Variants in DST observed in about 807,000 individuals in gnomAD.
The protein encoded by DST is dystonin.
DST carries 253 observed loss-of-function variants against 875.2 expected under a neutral mutation model. The ratio of observed to expected loss-of-function variants is 0.29; its 90% CI spans 0.26 to 0.32. The LOEUF (loss-of-function observed/expected upper bound fraction) is 0.32. Among genes scored for constraint, DST ranks in the 10% least tolerant of loss-of-function variants. The pLI, the probability that DST is intolerant of heterozygous loss-of-function variation, is 1.00. For missense variants in DST, 8,287 were observed against 9,111.6 expected, an observed-to-expected ratio of 0.91 and a Z score of 3.68; for synonymous variants, 3,124 against 3,197.1, an observed-to-expected ratio of 0.98 and a Z score of 0.77.
At chr6:56,687,734 T>TG (rs2099197624) in intron 9 of DST, among the ~76,000 whole-genome samples, 1 of 152,036 alleles carries the variant, frequency 6.6e-6, no homozygotes, top group Non-Finnish European at 1.5e-5. Context: ...GTTTAAACTA[T>TG]TTTGGCAGAA....
intron 2 of DST, among the ~76,000 whole-genome samples, chr6:56,923,698 TTC>T (rs774685284): frequency 6.6e-6 from 1 of 152,154 alleles, no homozygotes; most frequent in Non-Finnish European, 1.5e-5. Context: ...AAGTGTAAAA[TTC>T]TCTCTTACTC....
Position 56,602,864 on chromosome 6 carries a change from CTTTGT to C in DST, c.11307+13_11307+17del. 6.8e-7 allele frequency: 1 copy of C among 1,474,490 alleles called. No individual in the cohort carries two copies. Among genetic ancestry groups the C allele is most frequent in the African/African-American group, 1.4e-5 (1 of 70,356 alleles). 91.3% of individuals were successfully genotyped at this position (1,474,490 alleles called of 1,614,324 possible). ...TAGTTTTTGAAATATATTTTGTCAT[CTTTGT>C]TTTGATACTTGCCTTGAGAAACTCC... is the stretch of plus-strand genomic sequence containing the variant. On this transcript the variant is annotated intron_variant, in intron 43 of 103. Coordinates refer to ENST00000680361, the MANE Select transcript of DST (RefSeq NM_001374736.1).
intron 85 of DST, among the ~76,000 whole-genome samples, chr6:56,491,428 A>AAT (rs1037939980): frequency 6.6e-6 from 1 of 152,154 alleles, no homozygotes; most frequent in African/African-American, 2.4e-5. Flanking sequence ...AATGTTTAAA[A>AAT]ATATATATAT....
intron 43 of DST, among the ~76,000 whole-genome samples, chr6:56,602,464 C>T (rs1180920939): frequency 6.6e-6 from 1 of 151,896 alleles, no homozygotes; most frequent in Non-Finnish European, 1.5e-5. Flanking sequence ...AAGTACACTC[C>T]TTGTTGTTTG....
chr6:56,748,299 CA>C (rs895302600), intron 4 of DST, among the ~76,000 whole-genome samples: 30 of 152,008 alleles, frequency 2.0e-4, no homozygotes, highest in African/African-American at 7.0e-4. Context: ...ATGGTAAGGA[CA>C]AAAAACAAGA....
At chr6:56,620,004 T>A in intron 36 of DST, 1 of 1,614,152 alleles carries the variant, frequency 6.2e-7, no homozygotes, top group Non-Finnish European at 8.5e-7. Flanking sequence ...CTGCATGATG[T>A]AGCCTGTGTG....
chr6:56,788,686 C>T (rs1454240603), intron 4 of DST, among the ~76,000 whole-genome samples: 1 of 152,130 alleles, frequency 6.6e-6, no homozygotes, highest in Non-Finnish European at 1.5e-5. Context: ...TATTAACAGT[C>T]TAGATATTTT....
intron 4 of DST, among the ~76,000 whole-genome samples, chr6:56,833,500 G>T (rs768372597): frequency 3.9e-5 from 6 of 151,966 alleles, no homozygotes; most frequent in Admixed American, 6.5e-5. Flanking sequence ...ACAGGACATG[G>T]ACTACTAATT....
intron 65 of DST, 90 bp downstream of exon 65, chr6:56,529,884 T>C: frequency 6.6e-7 from 1 of 1,506,206 alleles, no homozygotes; most frequent in Non-Finnish European, 8.9e-7. Context: ...TAGTTTGCAA[T>C]TAAACAAAAC....
chr6:56,954,245 G>T (rs1416255420), intron 1 of DST, among the ~76,000 whole-genome samples, 162 bp downstream of exon 1: 2 of 152,228 alleles, frequency 1.3e-5, no homozygotes, highest in Admixed American at 6.5e-5. Flanking sequence ...CGGAGGTGAC[G>T]GCAAAAAGGG....
intron 44 of DST, 73 bp downstream of exon 44, chr6:56,601,370 A>G (rs908640429): frequency 5.4e-5 from 52 of 971,464 alleles, no homozygotes; most frequent in African/African-American, 3.8e-4. Context: ...CTGTCACACT[A>G]TACTCCTTGG....
intron 3 of DST, among the ~76,000 whole-genome samples, chr6:56,886,558 C>G (rs1016363624): frequency 6.6e-6 from 1 of 152,096 alleles, no homozygotes; most frequent in Non-Finnish European, 1.5e-5. Context: ...GGCAGATCAC[C>G]TGAGGTTAGG....
rs1367413222 is a variant in DST, at chr6:56,632,879, T to C, written c.3780A>G (p.Gln1260=). 1 of 1,613,948 alleles carries C rather than the reference T, an allele frequency of 6.2e-7. No homozygotes were observed. Residue 1260 remains glutamine (Q), a synonymous_variant, in exon 28 of 104, where the codon CAA becomes CAG. Coordinates refer to ENST00000680361, the MANE Select transcript of DST (RefSeq NM_001374736.1). ...KEVNVCKQYY[Q]ELLKSAEREE... ...CTCTTTCTGCAGATTTAAGAAGTTC[T>C]TGATAATACTGCTTACATACATTAA...
Position 56,607,058 on chromosome 6 carries a change from CATT to C in DST, c.7567_7569del (p.Asn2523del). On this transcript the variant is annotated inframe_deletion, in exon 40 of 104. Transcript: ENST00000680361. ...CCAGAAGTATTTGAAATGTATTTAT[CATT>C]GTGATATTGTACTTGAGGATTACTA... The C allele has an allele frequency of 6.2e-7, 1 of 1,613,194 alleles. No individual in the cohort carries two copies. The highest frequency in any genetic ancestry group is 8.5e-7 in the Non-Finnish European group (1 of 1,179,564).
intron 10 of DST, among the ~76,000 whole-genome samples, chr6:56,670,036 C>G (rs1408700958): frequency 2.6e-5 from 4 of 152,056 alleles, no homozygotes; most frequent in Non-Finnish European, 4.4e-5. Context: ...AACCTTCAAA[C>G]TCAGCAGTTC....
intron 49 of DST, among the ~76,000 whole-genome samples, chr6:56,582,345 T>C (rs553189957): frequency 1.7e-4 from 26 of 152,316 alleles, no homozygotes; most frequent in African/African-American, 5.8e-4. Context: ...GAGTGAATTC[T>C]AGCAAGATCT....
chr6:56,916,778 T>TCTCTCTCTCTCACA (rs1470233953), intron 2 of DST, among the ~76,000 whole-genome samples: 6 of 91,344 alleles, frequency 6.6e-5, no homozygotes, highest in African/African-American at 2.0e-4. Context: ...TCTCTCTCTC[T>TCTCTCTCTCTCACA]CACACACACA....
chr6:56,485,215 G>T, intron 88 of DST, 97 bp downstream of exon 88: 1 of 1,350,574 alleles, frequency 7.4e-7, no homozygotes, highest in Non-Finnish European at 1.1e-6. Flanking sequence ...ATGATCTATA[G>T]TCTTCTGATT....
intron 72 of DST, among the ~76,000 whole-genome samples, chr6:56,514,540 C>T (rs1001521646): frequency 2.6e-5 from 4 of 151,562 alleles, no homozygotes; most frequent in Admixed American, 6.6e-5. Flanking sequence ...CTTTCTCTCT[C>T]TCCCTCTCTC....
Sources: gnomAD v4.1 joint callset for allele counts (sites outside exome capture counted in the v4.1 genomes callset) on GRCh38, gnomAD v4.1.1 for gene constraint, MANE v1.5 for transcripts, NCBI Gene and HGNC (gene_info 2026-07-23, HGNC 2026-07-21) for gene names.